Variants in FAM241A observed in about 807,000 individuals in gnomAD.
FAM241A encodes family with sequence similarity 241 member A.
In FAM241A, 7 loss-of-function variants were observed where a neutral mutation model predicts 12.2. The ratio of observed to expected loss-of-function variants is 0.58; its 90% confidence interval spans 0.33 to 1.08. FAM241A has a LOEUF of 1.08. Ranked by LOEUF, FAM241A falls within the 50% of genes least tolerant of loss-of-function variation. FAM241A has a pLI of 0.04. For synonymous variants in FAM241A, 74 were observed against 68.2 expected (o/e 1.08, Z -0.42); for missense variants, 161 against 169.7 (o/e 0.95, Z 0.29).
At chr4:112,178,123 G>C (rs1183722330) in intron 1 of FAM241A, among the ~76,000 whole-genome samples, 1 of 152,056 alleles carries the variant, frequency 6.6e-6, no homozygotes, top group Non-Finnish European at 1.5e-5. Flanking sequence ...ACAGAAAATA[G>C]ATATATAAAG....
intron 1 of FAM241A, among the ~76,000 whole-genome samples, chr4:112,176,489 A>C (rs2110432068): frequency 6.6e-6 from 1 of 152,262 alleles, no homozygotes; most frequent in Non-Finnish European, 1.5e-5. Context: ...ACGGAGCAGG[A>C]TTTGAATCTG....
At chr4:112,179,943 ATGTGTGTGTGTGTGTG>A (rs35177969) in intron 1 of FAM241A, among the ~76,000 whole-genome samples, 111 of 129,058 alleles carry the variant, frequency 8.6e-4, no homozygotes, top group East Asian at 2.7e-3. Flanking sequence ...ATATATGTAT[ATGTGTGTGTGTGTGTG>A]TATATATATA....
At position 112,193,793 on chromosome 4, in the gene FAM241A, C is replaced by T. The variant is rs1724214439; in HGVS notation, c.*6855C>T. 2 of 151,738 alleles carry T rather than the reference C, an allele frequency of 1.3e-5. No homozygotes were observed. The highest frequency in any genetic ancestry group is 4.2e-4 in the South Asian group (2 of 4,806). 9.4% of individuals were successfully genotyped at this position (151,738 alleles called of 1,614,324 possible). A position where few individuals can be genotyped will look rare whatever the true frequency, so the allele number is the denominator to read the frequency against. On this transcript the variant is annotated 3_prime_UTR_variant, in exon 2 of 2. Transcript: ENST00000309733. ...AAGTCAGGTAGCATGATGCCTCCAG[C>T]TTTGTTCTTTTGGCTTAGGATTGAC...
intron 1 of FAM241A, among the ~76,000 whole-genome samples, chr4:112,184,357 C>G (rs957966947): frequency 1.3e-5 from 2 of 152,148 alleles, no homozygotes; most frequent in South Asian, 2.1e-4. Flanking sequence ...TGGTGAAACC[C>G]TGTCTCTAGT....
At position 112,159,641 on chromosome 4, in the gene FAM241A, AAT is replaced by A. The variant is rs199757830; in HGVS notation, c.153+13909_153+13910del. Among the ~76,000 whole-genome samples the A allele has an allele frequency of 4.9e-4, 72 of 147,348 alleles. 1 individual carries two copies. Among genetic ancestry groups the A allele is most frequent in the Middle Eastern group, 3.7e-3 (1 of 272 alleles). On this transcript the variant is annotated intron_variant, in intron 1 of 1. Coordinates refer to ENST00000309733, the MANE Select transcript of FAM241A (RefSeq NM_152400.3). ...ATAGTTCAACATACACAAATCAATC[AAT>A]GTGATGTATCAACAGAATGAGGGAT...
chr4:112,154,999 C>T (rs1385459227), intron 1 of FAM241A, among the ~76,000 whole-genome samples: 2 of 152,054 alleles, frequency 1.3e-5, no homozygotes, highest in Non-Finnish European at 2.9e-5. Flanking sequence ...GCAAACTGCA[C>T]TCCAGCCTGG....
chr4:112,179,914 G>GATATATAT (rs34513702), intron 1 of FAM241A, among the ~76,000 whole-genome samples: 4,021 of 117,688 alleles, frequency 0.034, 115 homozygotes, highest in Non-Finnish European at 0.042. Context: ...AAGAAAATGT[G>GATATATAT]ATATATATAT....
intron 1 of FAM241A, among the ~76,000 whole-genome samples, chr4:112,153,523 T>G (rs1465910956): frequency 1.3e-5 from 2 of 152,216 alleles, no homozygotes; most frequent in African/African-American, 4.8e-5. Flanking sequence ...TTCATTGTGT[T>G]TATGTGTGTT....
At chr4:112,185,701 A>G (rs1724024182) in intron 1 of FAM241A, among the ~76,000 whole-genome samples, 2 of 152,212 alleles carry the variant, frequency 1.3e-5, no homozygotes, top group African/African-American at 4.8e-5. Context: ...CCTGGGAACC[A>G]GGTATCTGAG....
chr4:112,193,024 T>A lies in FAM241A; in HGVS notation c.*6086T>A, dbSNP rs1724197344. ...CCAGCACCTGTTGTTTCCTGACTTT[T>A]TAATGATCGCCATTCTAACTGGTGT... On this transcript the variant is annotated 3_prime_UTR_variant, in exon 2 of 2. Transcript: ENST00000309733. The A allele has an allele frequency of 6.7e-6, 1 of 150,300 alleles. No homozygotes were observed. Among genetic ancestry groups the A allele is most frequent in the African/African-American group, 2.5e-5 (1 of 40,402 alleles). 9.3% of individuals were successfully genotyped at this position (150,300 alleles called of 1,614,324 possible). A position where few individuals can be genotyped will look rare whatever the true frequency, so the allele number is the denominator to read the frequency against.
At chr4:112,178,161 T>C (rs1325521034) in intron 1 of FAM241A, among the ~76,000 whole-genome samples, 1 of 152,190 alleles carries the variant, frequency 6.6e-6, no homozygotes. Context: ...AATACTATGC[T>C]AGGCACAATA....
chr4:112,179,916 T>TATAG (rs1243838931), intron 1 of FAM241A, among the ~76,000 whole-genome samples: 468 of 16,148 alleles, frequency 0.029, 9 homozygotes, highest in African/African-American at 0.073. Flanking sequence ...GAAAATGTGA[T>TATAG]ATATATATAT....
At chr4:112,186,028 T>G (rs1038690674) in intron 1 of FAM241A, among the ~76,000 whole-genome samples, 2 of 152,144 alleles carry the variant, frequency 1.3e-5, no homozygotes, top group African/African-American at 4.8e-5. Flanking sequence ...TAGCTTACTG[T>G]CATGGCCTTA....
chr4:112,146,390 A>G (rs1723138968), intron 1 of FAM241A, among the ~76,000 whole-genome samples: 1 of 152,250 alleles, frequency 6.6e-6, no homozygotes, highest in African/African-American at 2.4e-5. Flanking sequence ...GGAAAAGAGA[A>G]GTTGCGTAAT....
intron 1 of FAM241A, among the ~76,000 whole-genome samples, chr4:112,151,778 A>C (rs765729970): frequency 1.3e-5 from 2 of 152,230 alleles, no homozygotes; most frequent in Non-Finnish European, 2.9e-5. Context: ...TCCCTAGGCC[A>C]CGTTATTTGC....
At position 112,158,730 on chromosome 4, in the gene FAM241A, C is replaced by A. The variant is rs1723403592; in HGVS notation, c.153+12997C>A. Among the ~76,000 whole-genome samples the A allele has an allele frequency of 3.3e-5, 5 of 151,946 alleles. No homozygotes were observed. In the South Asian group the frequency reaches 1.0e-3, roughly 32 times the overall value. On this transcript the variant is annotated intron_variant, in intron 1 of 1. Transcript: ENST00000309733. ...ATTGCTATTGATATATAATATTTGA[C>A]CATACTTATGGGGCACATGTGATAT...
At chr4:112,171,022 A>G (rs948198175) in intron 1 of FAM241A, among the ~76,000 whole-genome samples, 1 of 152,076 alleles carries the variant, frequency 6.6e-6, no homozygotes, top group Non-Finnish European at 1.5e-5. Flanking sequence ...TATTTTTAAG[A>G]AAAGATGAAA....
Position 112,188,968 on chromosome 4 carries a change from T to C in FAM241A, c.*2030T>C, listed in dbSNP as rs1312524076. The C allele has an allele frequency of 1.3e-5, 2 of 152,198 alleles. No individual in the cohort carries two copies. Among genetic ancestry groups the C allele is most frequent in the African/African-American group, 4.8e-5 (2 of 41,454 alleles). 9.4% of individuals were successfully genotyped at this position (152,198 alleles called of 1,614,324 possible). ...CATCAAATAATATTTGGCTTTGATA[T>C]GGGAAAAAACAAACTTTGCCTATGT... On this transcript the variant is annotated 3_prime_UTR_variant, in exon 2 of 2. Coordinates refer to ENST00000309733, the MANE Select transcript of FAM241A (RefSeq NM_152400.3).
intron 1 of FAM241A, 30 bp downstream of exon 1, chr4:112,145,763 G>T (rs1578367243): frequency 1.7e-6 from 2 of 1,158,968 alleles, no homozygotes; most frequent in South Asian, 4.2e-5. Context: ...GCGGCGAAGC[G>T]GCCGGGTCGG....
Sources: gnomAD v4.1 joint callset for allele counts (sites outside exome capture counted in the v4.1 genomes callset) on GRCh38, gnomAD v4.1.1 for gene constraint, MANE v1.5 for transcripts, NCBI Gene and HGNC (gene_info 2026-07-23, HGNC 2026-07-21) for gene names.